The following PARVG variants were observed in gnomAD, a reference collection of about 807,000 sequenced individuals.
PARVG encodes the protein gamma-parvin.
PARVG carries 36 observed loss-of-function variants against 44.4 expected under a neutral mutation model. That is an observed-to-expected ratio of 0.81 (90% CI 0.62 to 1.07). PARVG has a LOEUF of 1.07. Ranked by LOEUF, PARVG falls within the 50% of genes least tolerant of loss-of-function variation. The pLI is 0.00. For synonymous variants in PARVG, 170 were observed against 174.1 expected (o/e 0.98, Z 0.19); for missense variants, 407 against 407.4 (o/e 1.00, Z 0.01).
intron 3 of PARVG, chr22:44,184,963 A>G (rs1034869451): frequency 4.6e-5 from 7 of 152,254 alleles, no homozygotes; most frequent in Admixed American, 4.6e-4. Context: ...AGCGGCAAGA[A>G]GTCTGCTCCA....
chr22:44,181,045 CT>C lies in PARVG; in HGVS notation c.-327del. On this transcript the variant is annotated 5_prime_UTR_variant, in exon 1 of 14. It removes the in-frame stop codon of an upstream open reading frame in the 5' UTR. Transcript: ENST00000444313. ...TTCTCCACCTGCCACGTTCTCACCC[CT>C]TCTTCTTCCACTGCAAACTCCTATG... 1.1e-6 allele frequency: 1 copy of C among 931,504 alleles called. No homozygotes were observed. The highest frequency in any genetic ancestry group is 1.3e-6 in the Non-Finnish European group (1 of 780,966). The allele number at this position is 931,504 out of a possible 1,614,324, so 57.7% of individuals were successfully genotyped here. A position where few individuals can be genotyped will look rare whatever the true frequency, so the allele number is the denominator to read the frequency against.
At chr22:44,185,962 C>G (rs2054462167) in intron 4 of PARVG, 90 bp downstream of exon 4, 1 of 1,328,936 alleles carries the variant, frequency 7.5e-7, no homozygotes. Context: ...CAGGCTGTCC[C>G]CACTCCTTGG....
chr22:44,192,618 G>C (rs2054564588), intron 8 of PARVG, among the ~76,000 whole-genome samples: 1 of 140,370 alleles, frequency 7.1e-6, no homozygotes, highest in Non-Finnish European at 1.6e-5. Context: ...CTGCCCTCTG[G>C]GGAGTGGCCA....
chr22:44,185,755 G>T, intron 3 of PARVG, 53 bp from the exon 4 acceptor site: 1 of 1,515,154 alleles, frequency 6.6e-7, no homozygotes. Context: ...AGGGAGTGTG[G>T]CCAAGCGCCC....
chr22:44,184,031 G>A lies in PARVG; in HGVS notation c.79+623G>A, dbSNP rs80064600. On this transcript the variant is annotated intron_variant, in intron 3 of 13. Coordinates refer to ENST00000444313, the MANE Select transcript of PARVG (RefSeq NM_022141.7). Reference sequence around the variant, plus strand: ...CTTTCAGTAAAGCTCTGTGTCATGAGCCCTTTGGGGGGTTGGCGGCCACAG... The same window carrying A: ...CTTTCAGTAAAGCTCTGTGTCATGAACCCTTTGGGGGGTTGGCGGCCACAG... 2.5e-3 allele frequency: 396 copies of A among 160,118 alleles called. 1 individual carries two copies. The highest frequency in any genetic ancestry group is 3.9e-3 in the Non-Finnish European group (283 of 73,502). The allele number at this position is 160,118 out of a possible 1,614,324, so 9.9% of individuals were successfully genotyped here. A position where few individuals can be genotyped will look rare whatever the true frequency, so the allele number is the denominator to read the frequency against.
chr22:44,193,973 C>CTG, intron 9 of PARVG, 150 bp downstream of exon 9: 1 of 1,024,750 alleles, frequency 9.8e-7, no homozygotes. Flanking sequence ...TCATTTGTCC[C>CTG]TCTTTCTGTC....
At chr22:44,193,931 C>G in intron 9 of PARVG, 108 bp downstream of exon 9, 1 of 1,400,624 alleles carries the variant, frequency 7.1e-7, no homozygotes, top group Non-Finnish European at 1.0e-6. Flanking sequence ...TTCCCTGTCA[C>G]TTGCTGTTTG....
chr22:44,179,936 C>T (rs2054354690), upstream of PARVG, among the ~76,000 whole-genome samples: 1 of 152,160 alleles, frequency 6.6e-6, no homozygotes, highest in Non-Finnish European at 1.5e-5. The surrounding 1 kb of genome is among the most constrained non-coding windows in gnomAD (Gnocchi z 4.2). Flanking sequence ...TCAGGCTGGC[C>T]CTAGAAGCAT....
chr22:44,193,929 C>A, intron 9 of PARVG, 106 bp downstream of exon 9: 1 of 1,406,048 alleles, frequency 7.1e-7, no homozygotes, highest in Non-Finnish European at 1.0e-6. Context: ...ATTTCCCTGT[C>A]ACTTGCTGTT....
At chr22:44,199,789 T>C (rs777722247) in intron 12 of PARVG, among the ~76,000 whole-genome samples, 4 of 152,104 alleles carry the variant, frequency 2.6e-5, no homozygotes, top group African/African-American at 4.8e-5. Context: ...CAGCAAAGGC[T>C]CAGAATGTGG....
rs2054617203 is a variant in PARVG at position 44,196,337 on chromosome 22, C to A, written c.643-10C>A. 3 of 1,614,060 alleles carry A rather than the reference C, an allele frequency of 1.9e-6. No individual in the cohort carries two copies. The South Asian group carries it at 3.3e-5, about 18-fold the overall frequency. ...TGCTGTGTGCTAGGCCCTTGTTCTT[C>A]CCTGGTTAGGCCATCGTGAACTTTG... On this transcript the variant is annotated splice_polypyrimidine_tract_variant and intron_variant, in intron 10 of 13. Coordinates refer to ENST00000444313, the MANE Select transcript of PARVG (RefSeq NM_022141.7).
intron 1 of PARVG, among the ~76,000 whole-genome samples, chr22:44,173,509 G>C (rs1225030176): frequency 2.6e-5 from 4 of 151,832 alleles, no homozygotes; most frequent in Non-Finnish European, 5.9e-5. Context: ...GTCCAGGATG[G>C]GTAGCCTGGA....
At chr22:44,195,117 T>C (rs1484452844) in intron 9 of PARVG, among the ~76,000 whole-genome samples, 5 of 151,674 alleles carry the variant, frequency 3.3e-5, no homozygotes, top group African/African-American at 1.2e-4. Flanking sequence ...AAGGCGGAGT[T>C]TGGGGAGAAA....
chr22:44,205,659 G>A, intron 12 of PARVG, 98 bp from the exon 13 acceptor site: 4 of 1,412,248 alleles, frequency 2.8e-6, no homozygotes, highest in Non-Finnish European at 3.0e-6. Flanking sequence ...GCTCATGATG[G>A]ACATCACAGA....
intron 8 of PARVG, among the ~76,000 whole-genome samples, chr22:44,193,165 C>T (rs2054572233): frequency 6.6e-6 from 1 of 152,118 alleles, no homozygotes; most frequent in African/African-American, 2.4e-5. Flanking sequence ...ACTTGGCCTG[C>T]CCTGGACCTA....
At chr22:44,172,986 G>T in exon 1 of PARVG, 1 of 1,289,504 alleles carries the variant, frequency 7.8e-7, no homozygotes, top group Non-Finnish European at 1.0e-6. Flanking sequence ...AATCTTTCAT[G>T]CATTTAGCAG....
At chr22:44,181,654 G>A (rs190900553) in intron 1 of PARVG, 88 bp from the exon 2 acceptor site, 436 of 951,740 alleles carry the variant, frequency 4.6e-4, no homozygotes, top group Non-Finnish European at 5.3e-4. Flanking sequence ...AGGCGGCACG[G>A]CGGGCGCTGG....
chr22:44,193,660 T>C (rs1477799516), intron 8 of PARVG, 141 bp from the exon 9 acceptor site: 8 of 1,053,326 alleles, frequency 7.6e-6, no homozygotes, highest in Non-Finnish European at 1.1e-5. Context: ...CTGCCCTACC[T>C]ACAAAGCTGC....
upstream of PARVG, chr22:44,180,911 A>G (rs897297019): frequency 4.1e-6 from 4 of 985,276 alleles, no homozygotes; most frequent in African/African-American, 3.5e-5. Flanking sequence ...TTCAGCCCGG[A>G]TGGTGAAGAT....
Sources: allele counts gnomAD v4.1 joint callset (sites outside exome capture counted in the v4.1 genomes callset), GRCh38; gene constraint gnomAD v4.1.1; non-coding constraint Gnocchi (gnomAD v3.1); transcripts MANE v1.5; gene names NCBI Gene and HGNC (gene_info 2026-07-23, HGNC 2026-07-21).